The following OTOGL variants were observed in gnomAD, a reference collection of about 807,000 sequenced individuals.
OTOGL encodes otogelin like.
Under a neutral mutation model 318.5 loss-of-function variants are expected in OTOGL, and 285 were observed. The observed-to-expected ratio is 0.89, with a 90% CI of 0.81 to 0.99. OTOGL has a LOEUF of 0.99. Among genes scored for constraint, OTOGL ranks in the 50% least tolerant of loss-of-function variants. The pLI is 0.00. For missense variants in OTOGL, 2,899 were observed against 2,845.6 expected (o/e 1.02, Z -0.43); for synonymous variants, 987 against 936.5 (o/e 1.05, Z -0.99).
At chr12:80,178,603 A>G (rs896116579) in intron 1 of OTOGL, among the ~76,000 whole-genome samples, 9 of 152,132 alleles carry the variant, frequency 5.9e-5, no homozygotes, top group Non-Finnish European at 1.3e-4. Context: ...CTCTCTCCCT[A>G]CACAAGCAGT....
chr12:80,270,249 G>A (rs1167274973), intron 23 of OTOGL, 95 bp downstream of exon 23: 2 of 1,006,612 alleles, frequency 2.0e-6, no homozygotes, highest in East Asian at 5.1e-5. Flanking sequence ...TCTTCCCAAT[G>A]TGCATGGCTA....
At chr12:80,213,597 T>C (rs1877444664) in intron 4 of OTOGL, among the ~76,000 whole-genome samples, 1 of 152,172 alleles carries the variant, frequency 6.6e-6, no homozygotes. Context: ...ATACATTTTA[T>C]TTTTCTTAAA....
chr12:80,308,337 T>G (rs1169972678), intron 29 of OTOGL, among the ~76,000 whole-genome samples: 4 of 129,808 alleles, frequency 3.1e-5, no homozygotes, highest in Non-Finnish European at 3.3e-5. Flanking sequence ...AGACGGGGCG[T>G]CCGGGCAGAG....
At chr12:80,279,744 T>C (rs1307418714) in intron 26 of OTOGL, among the ~76,000 whole-genome samples, 2 of 151,832 alleles carry the variant, frequency 1.3e-5, no homozygotes, top group African/African-American at 2.4e-5. Flanking sequence ...AGTGCTGCAA[T>C]GAATGTATGC....
chr12:80,351,544 G>T (rs1008110708), intron 44 of OTOGL, among the ~76,000 whole-genome samples: 7 of 152,018 alleles, frequency 4.6e-5, no homozygotes, highest in Non-Finnish European at 7.4e-5. Flanking sequence ...TCAATCTCTT[G>T]ACCTCGTGAT....
At chr12:80,194,533 A>T (rs539595220) in intron 1 of OTOGL, among the ~76,000 whole-genome samples, 3 of 152,216 alleles carry the variant, frequency 2.0e-5, no homozygotes, top group Admixed American at 6.5e-5. Flanking sequence ...AACCAAAAAC[A>T]TAATCAGAAT....
chr12:80,206,831 T>G (rs1472033501), intron 1 of OTOGL, among the ~76,000 whole-genome samples: 3 of 152,094 alleles, frequency 2.0e-5, no homozygotes, highest in African/African-American at 7.2e-5. Flanking sequence ...ACAAAACCAC[T>G]TAACAGTTTT....
In OTOGL at chr12:80,124,622, C is replaced by A. The variant is rs149697486; in HGVS notation, c.-20+25017C>A. ...GGATGGCATTGAATCTATAAATTAC[C>A]TTGGGCAATACGGCCATTTTCATGA... On this transcript the variant is annotated intron_variant, in intron 1 of 58. Transcript: ENST00000547103. 5.5e-3 allele frequency among the ~76,000 whole-genome samples: 831 copies of A among 152,202 alleles called. 31 individuals are homozygous for A. The highest frequency in any genetic ancestry group is 1.3e-3 in the Non-Finnish European group (88 of 68,004).
At chr12:80,354,184 T>A (rs992446167) in intron 46 of OTOGL, among the ~76,000 whole-genome samples, 1 of 152,168 alleles carries the variant, frequency 6.6e-6, no homozygotes, top group Non-Finnish European at 1.5e-5. Flanking sequence ...CTAGCAGAAA[T>A]GGAATCTTTC....
chr12:80,372,875 G>A (rs540230497), intron 57 of OTOGL, among the ~76,000 whole-genome samples: 2 of 152,058 alleles, frequency 1.3e-5, no homozygotes, highest in South Asian at 2.1e-4. Flanking sequence ...TTTTAGTAGA[G>A]ATGGGGTTTC....
chr12:80,356,604 A>G (rs920467675), intron 48 of OTOGL, 84 bp downstream of exon 48: 7 of 1,136,068 alleles, frequency 6.2e-6, no homozygotes, highest in Non-Finnish European at 8.6e-6. Flanking sequence ...TTGTGTCTCC[A>G]AGAGAATGAT....
intron 1 of OTOGL, among the ~76,000 whole-genome samples, chr12:80,135,096 G>A (rs779710684): frequency 4.6e-5 from 7 of 152,028 alleles, no homozygotes; most frequent in Non-Finnish European, 1.0e-4. Flanking sequence ...ACCACAGATG[G>A]TGTAGTTACC....
At chr12:80,214,650 GTC>G (rs1877543695) in intron 4 of OTOGL, among the ~76,000 whole-genome samples, 1 of 152,116 alleles carries the variant, frequency 6.6e-6, no homozygotes, top group Non-Finnish European at 1.5e-5. Context: ...TTTGAACCAT[GTC>G]TCTTTTTTCA....
chr12:80,113,547 T>A (rs1218608946), intron 1 of OTOGL, among the ~76,000 whole-genome samples: 2 of 152,202 alleles, frequency 1.3e-5, no homozygotes, highest in Non-Finnish European at 2.9e-5. Context: ...TCAGTTTCCA[T>A]GTAATTGTGT....
At chr12:80,277,357 AT>A in intron 24 of OTOGL, among the ~76,000 whole-genome samples, 1 of 147,540 alleles carries the variant, frequency 6.8e-6, no homozygotes, top group East Asian at 2.0e-4. Context: ...ATATTAAATG[AT>A]TTGATGTTAT....
intron 1 of OTOGL, among the ~76,000 whole-genome samples, chr12:80,191,315 G>A (rs1361736070): frequency 3.3e-5 from 5 of 152,118 alleles, no homozygotes; most frequent in South Asian, 2.1e-4. Context: ...GTGGGCAGCT[G>A]TAATCCCAGC....
chr12:80,338,615 A>C (rs915578490), intron 42 of OTOGL, among the ~76,000 whole-genome samples: 6 of 152,118 alleles, frequency 3.9e-5, no homozygotes, highest in Non-Finnish European at 8.8e-5. Context: ...AAGTAGAATC[A>C]CTGGGAATCT....
intron 11 of OTOGL, among the ~76,000 whole-genome samples, chr12:80,249,699 C>A (rs191380235): frequency 1.3e-5 from 2 of 152,076 alleles, no homozygotes; most frequent in African/African-American, 4.8e-5. Flanking sequence ...CCACCCAGTT[C>A]GAGCTTCCCG....
At chr12:80,184,041 T>C (rs1047666308) in intron 1 of OTOGL, among the ~76,000 whole-genome samples, 1 of 152,218 alleles carries the variant, frequency 6.6e-6, no homozygotes, top group Non-Finnish European at 1.5e-5. Context: ...TTCCCATAGT[T>C]ATGGTACTTG....
Sources: allele counts gnomAD v4.1 joint callset (sites outside exome capture counted in the v4.1 genomes callset), GRCh38; gene constraint gnomAD v4.1.1; transcripts MANE v1.5; gene names NCBI Gene and HGNC (gene_info 2026-07-23, HGNC 2026-07-21).